CAST: variants seen among roughly 807,000 people sequenced by gnomAD.
The protein encoded by CAST is MIR583 host.
In CAST, 76 loss-of-function variants were observed where a neutral mutation model predicts 119.6. That is an observed-to-expected ratio of 0.64 (90% CI 0.53 to 0.77). The LOEUF is 0.77. Ranked by LOEUF, CAST falls within the 30% of genes least tolerant of loss-of-function variation. The pLI, the probability that CAST is intolerant of heterozygous loss-of-function variation, is 0.00. For missense variants in CAST, 953 were observed against 946.5 expected, an observed-to-expected ratio of 1.01 and a Z score of -0.09; for synonymous variants, 319 against 331.6, an observed-to-expected ratio of 0.96 and a Z score of 0.41.
At chr5:96,488,782 T>C in the CAST span, among the ~76,000 whole-genome samples, 2 of 152,114 alleles carry the variant, frequency 1.3e-5, no homozygotes, top group African/African-American at 4.8e-5. Flanking sequence ...CTCTTCCCAA[T>C]GTCCTGGCAT....
At chr5:96,615,291 T>C (rs1747431555) in intron 1 of CAST, among the ~76,000 whole-genome samples, 1 of 152,190 alleles carries the variant, frequency 6.6e-6, no homozygotes, top group Non-Finnish European at 1.5e-5. Context: ...CTATTTCCAG[T>C]AAGTTTATCC....
At chr5:96,575,165 G>A (rs1452217902) in intron 1 of CAST, among the ~76,000 whole-genome samples, 3 of 151,638 alleles carry the variant, frequency 2.0e-5, no homozygotes, top group African/African-American at 4.9e-5. Flanking sequence ...TTAATTTTTG[G>A]AGGAATTGCA....
intron 5 of CAST, 82 bp downstream of exon 5, chr5:96,726,941 C>G: frequency 9.4e-6 from 9 of 952,814 alleles, no homozygotes; most frequent in African/African-American, 8.1e-5. Flanking sequence ...AACTGCAATT[C>G]ACAGTCTTCT....
chr5:96,499,205 G>T, the CAST span, among the ~76,000 whole-genome samples: 2 of 152,096 alleles, frequency 1.3e-5, no homozygotes, highest in Admixed American at 6.5e-5. Flanking sequence ...GAAGAATTGG[G>T]TAAAATATAT....
rs145249322 is a variant in CAST, at chr5:96,673,127, C to T, written c.76-2412C>T. 9.4e-4 allele frequency among the ~76,000 whole-genome samples: 143 copies of T among 152,222 alleles called. 1 individual carries two copies. Among genetic ancestry groups the T allele is most frequent in the African/African-American group, 3.4e-3 (140 of 41,544 alleles). On this transcript the variant is annotated intron_variant, in intron 1 of 31. Transcript: ENST00000675179. ...TAAATGAGGCACTCAAAATAGTAAACACCCAATAAAACAGTGGCTATTATT... is the reference window on the plus strand; with the variant it reads ...TAAATGAGGCACTCAAAATAGTAAATACCCAATAAAACAGTGGCTATTATT...
At chr5:96,403,303 T>G in the CAST span, among the ~76,000 whole-genome samples, 1 of 152,214 alleles carries the variant, frequency 6.6e-6, no homozygotes, top group Non-Finnish European at 1.5e-5. Flanking sequence ...CTAGGGTACA[T>G]GTGCACAACG....
intron 10 of CAST, among the ~76,000 whole-genome samples, chr5:96,736,926 G>T (rs577784446): frequency 6.6e-6 from 1 of 152,224 alleles, no homozygotes; most frequent in African/African-American, 2.4e-5. Flanking sequence ...CTGTGTGGCT[G>T]GGGAGGCCTC....
chr5:96,386,383 A>G, the CAST span, among the ~76,000 whole-genome samples: 2 of 152,222 alleles, frequency 1.3e-5, no homozygotes, highest in African/African-American at 4.8e-5. Context: ...GTTGCAGTTC[A>G]GTCTACACTG....
At chr5:96,424,457 G>A in the CAST span, among the ~76,000 whole-genome samples, 3 of 152,308 alleles carry the variant, frequency 2.0e-5, no homozygotes, top group South Asian at 2.1e-4. Context: ...CCCACCACTA[G>A]CAGCCATGGA....
At position 96,774,620 on chromosome 5, in the gene CAST, A is replaced by C; in HGVS notation, c.*2004A>C. ...CTCAGGTGACCAAAACTGAAAATCA[A>C]TATTTCCATGTTTCATTAATCAAGG... is the stretch of plus-strand genomic sequence containing the variant. On this transcript the variant is annotated 3_prime_UTR_variant, in exon 32 of 32. Transcript: ENST00000675179. 1.0e-6 allele frequency: 1 copy of C among 985,512 alleles called. No homozygotes were observed. Among genetic ancestry groups the C allele is most frequent in the Non-Finnish European group, 1.2e-6 (1 of 829,848 alleles). 61.0% of individuals were successfully genotyped at this position (985,512 alleles called of 1,614,324 possible). A position where few individuals can be genotyped will look rare whatever the true frequency, so the allele number is the denominator to read the frequency against.
At chr5:96,336,059 T>C in the CAST span, among the ~76,000 whole-genome samples, 1 of 152,186 alleles carries the variant, frequency 6.6e-6, no homozygotes, top group Non-Finnish European at 1.5e-5. Flanking sequence ...GAATGATTCA[T>C]ATACAAAACA....
chr5:96,353,446 C>T, the CAST span, among the ~76,000 whole-genome samples: 1 of 152,164 alleles, frequency 6.6e-6, no homozygotes, highest in South Asian at 2.1e-4. Flanking sequence ...GACTGGGTTG[C>T]AGAGTGTCCA....
At chr5:96,747,477 C>A in intron 18 of CAST, 85 bp downstream of exon 18, 1 of 913,070 alleles carries the variant, frequency 1.1e-6, no homozygotes, top group Non-Finnish European at 1.8e-6. Context: ...GTCTGGAATT[C>A]ACTGTGCAGA....
chr5:96,386,231 T>G, the CAST span, among the ~76,000 whole-genome samples: 1 of 152,230 alleles, frequency 6.6e-6, no homozygotes, highest in Non-Finnish European at 1.5e-5. Flanking sequence ...CTAGGAGAAA[T>G]CCTTACCAAT....
the CAST span, among the ~76,000 whole-genome samples, chr5:96,378,219 T>C: frequency 3.9e-5 from 6 of 152,124 alleles, no homozygotes; most frequent in African/African-American, 1.4e-4. Flanking sequence ...GTTTCAGTTA[T>C]ACAAAATGAA....
chr5:96,197,616 A>G, the CAST span, among the ~76,000 whole-genome samples: 1 of 152,120 alleles, frequency 6.6e-6, no homozygotes, highest in South Asian at 2.1e-4. Context: ...ATAAAACCTA[A>G]CATTTAGTGA....
chr5:96,271,266 G>A, the CAST span, among the ~76,000 whole-genome samples: 30 of 152,062 alleles, frequency 2.0e-4, no homozygotes, highest in Admixed American at 5.2e-4. Context: ...AATGTATATG[G>A]AACCACATAA....
the CAST span, among the ~76,000 whole-genome samples, chr5:96,406,055 C>A: frequency 6.6e-6 from 1 of 152,166 alleles, no homozygotes; most frequent in Non-Finnish European, 1.5e-5. Context: ...CCAGTCCAGA[C>A]CCCTCATCAC....
the CAST span, among the ~76,000 whole-genome samples, chr5:96,132,377 C>T: frequency 6.6e-6 from 1 of 151,976 alleles, no homozygotes; most frequent in Admixed American, 6.6e-5. Flanking sequence ...ATTGAGGTAT[C>T]TATCACCTCA....
Sources: allele counts gnomAD v4.1 joint callset (sites outside exome capture counted in the v4.1 genomes callset), GRCh38; gene constraint gnomAD v4.1.1; transcripts MANE v1.5; gene names NCBI Gene and HGNC (gene_info 2026-07-23, HGNC 2026-07-21).